The following GPC6 variants were observed in gnomAD, a reference collection of about 807,000 sequenced individuals.
GPC6 encodes the protein glypican 6.
GPC6 carries 14 observed loss-of-function variants against 55.2 expected under a neutral mutation model. That is an observed-to-expected ratio of 0.25 (90% confidence interval 0.17 to 0.40). The LOEUF (loss-of-function observed/expected upper bound fraction) is 0.40. Ranked by LOEUF, GPC6 falls within the 10% of genes least tolerant of loss-of-function variation. GPC6 has a pLI of 1.00. For synonymous variants in GPC6, 278 were observed against 259.6 expected, an observed-to-expected ratio of 1.07 and a Z score of -0.68; for missense variants, 641 against 708.5, an observed-to-expected ratio of 0.90 and a Z score of 1.08.
intron 2 of GPC6, among the ~76,000 whole-genome samples, chr13:93,564,309 T>C (rs1030518412): frequency 6.6e-6 from 1 of 152,160 alleles, no homozygotes; most frequent in Non-Finnish European, 1.5e-5. Context: ...TCAGCAGATA[T>C]TGTATTTATA....
intron 7 of GPC6, among the ~76,000 whole-genome samples, chr13:94,383,937 C>T (rs901048204): frequency 3.3e-5 from 5 of 152,170 alleles, no homozygotes; most frequent in African/African-American, 1.2e-4. Context: ...AAAAGCACCA[C>T]ATCTCATGAG....
At chr13:93,441,786 G>T (rs1471084946) in intron 1 of GPC6, among the ~76,000 whole-genome samples, 2 of 152,116 alleles carry the variant, frequency 1.3e-5, no homozygotes, top group Non-Finnish European at 2.9e-5. Context: ...TGTCCTGAAT[G>T]GTATTGCCTA....
intron 2 of GPC6, among the ~76,000 whole-genome samples, chr13:93,604,331 T>C (rs1330009824): frequency 6.6e-6 from 1 of 152,340 alleles, no homozygotes; most frequent in Non-Finnish European, 1.5e-5. Context: ...TTGAGCTTCT[T>C]CCTTGCCAGG....
chr13:94,403,225 T>G lies in GPC6; in HGVS notation c.*8T>G. The G allele has an allele frequency of 1.9e-6, 3 of 1,601,990 alleles. No homozygotes were observed. The highest frequency in any genetic ancestry group is 3.3e-5 in the Admixed American group (2 of 59,982). The stretch of plus-strand genomic sequence containing the variant: ...CAGAGACTGTGCAGATAATCTTGGG[T>G]TTTTGGTCAGATGAAACTGCATTTT... On this transcript the variant is annotated 3_prime_UTR_variant, in exon 9 of 9. Transcript: ENST00000377047.
At chr13:94,144,075 A>G (rs1357038432) in intron 4 of GPC6, among the ~76,000 whole-genome samples, 1 of 152,122 alleles carries the variant, frequency 6.6e-6, no homozygotes, top group African/African-American at 2.4e-5. Flanking sequence ...TGAAGGAGAC[A>G]GGATTGCATT....
intron 2 of GPC6, among the ~76,000 whole-genome samples, chr13:93,597,027 A>AAAAG (rs1566442316): frequency 3.4e-5 from 5 of 147,004 alleles, no homozygotes; most frequent in African/African-American, 1.0e-4. Flanking sequence ...AAAAAAAAAA[A>AAAAG]AAAGAAAAGA....
chr13:94,049,760 G>A (rs1538195), intron 4 of GPC6, among the ~76,000 whole-genome samples: 68,615 of 151,932 alleles, frequency 0.45, 16,160 homozygotes, highest in Middle Eastern at 0.61. Flanking sequence ...TTATCACAGT[G>A]TACTTTACCT....
chr13:93,625,111 C>G (rs1879147783), intron 2 of GPC6, among the ~76,000 whole-genome samples: 1 of 152,040 alleles, frequency 6.6e-6, no homozygotes, highest in Admixed American at 6.6e-5. Context: ...TGTAGAATGA[C>G]TATAAAATAG....
intron 1 of GPC6, among the ~76,000 whole-genome samples, chr13:93,301,643 A>T (rs186414362): frequency 2.0e-4 from 31 of 152,304 alleles, no homozygotes; most frequent in South Asian, 1.9e-3. Flanking sequence ...AGGTATTTGA[A>T]CACTGGCTCA....
intron 4 of GPC6, among the ~76,000 whole-genome samples, chr13:94,222,142 G>A (rs1890404570): frequency 6.6e-6 from 1 of 152,014 alleles, no homozygotes; most frequent in Admixed American, 6.6e-5. Context: ...TAATGAACAT[G>A]TGAAAGGCTT....
intron 6 of GPC6, among the ~76,000 whole-genome samples, chr13:94,307,350 A>T (rs1182099359): frequency 6.6e-6 from 1 of 151,348 alleles, no homozygotes; most frequent in Non-Finnish European, 1.5e-5. Flanking sequence ...ACGGGGCTTC[A>T]CTCTGCCCCA....
chr13:93,690,379 A>G (rs1359269094), intron 2 of GPC6, among the ~76,000 whole-genome samples: 1 of 152,106 alleles, frequency 6.6e-6, no homozygotes, highest in Non-Finnish European at 1.5e-5. Flanking sequence ...GTCTAGGACC[A>G]TGGACAGCTC....
At chr13:93,964,678 C>G (rs932676298) in intron 3 of GPC6, among the ~76,000 whole-genome samples, 1 of 152,114 alleles carries the variant, frequency 6.6e-6, no homozygotes, top group Non-Finnish European at 1.5e-5. Context: ...GTATTTTATT[C>G]CTGACCAGTC....
intron 1 of GPC6, among the ~76,000 whole-genome samples, chr13:93,359,071 A>T (rs1389625073): frequency 6.8e-6 from 1 of 148,108 alleles, no homozygotes; most frequent in Non-Finnish European, 1.5e-5. Flanking sequence ...TGGGCTCGAG[A>T]TCCTCCCACC....
chr13:93,332,660 T>C (rs970040717), intron 1 of GPC6, among the ~76,000 whole-genome samples: 1 of 152,180 alleles, frequency 6.6e-6, no homozygotes, highest in Non-Finnish European at 1.5e-5. Context: ...ATTCTGTAGG[T>C]TATCTCTTCA....
At chr13:94,001,209 T>C (rs1208414010) in intron 3 of GPC6, among the ~76,000 whole-genome samples, 4 of 152,196 alleles carry the variant, frequency 2.6e-5, no homozygotes, top group Non-Finnish European at 5.9e-5. Flanking sequence ...AAAGGTCTTT[T>C]CTCAGACATT....
intron 4 of GPC6, among the ~76,000 whole-genome samples, chr13:94,083,264 G>T (rs544780331): frequency 2.0e-5 from 3 of 151,834 alleles, no homozygotes; most frequent in Non-Finnish European, 4.4e-5. Flanking sequence ...GACTACAGGC[G>T]CCCGCCACCA....
At chr13:93,646,944 C>T (rs1328867921) in intron 2 of GPC6, among the ~76,000 whole-genome samples, 3 of 151,652 alleles carry the variant, frequency 2.0e-5, no homozygotes, top group African/African-American at 4.8e-5. Context: ...GGCATTTATG[C>T]TGAAACACAG....
At chr13:93,422,861 C>G (rs974591780) in intron 1 of GPC6, among the ~76,000 whole-genome samples, 4 of 152,088 alleles carry the variant, frequency 2.6e-5, no homozygotes, top group Non-Finnish European at 5.9e-5. Context: ...TAGTTAGCAA[C>G]ATGAGAGAGA....
Sources: gnomAD v4.1 joint callset for allele counts (sites outside exome capture counted in the v4.1 genomes callset) on GRCh38, gnomAD v4.1.1 for gene constraint, MANE v1.5 for transcripts, NCBI Gene and HGNC (gene_info 2026-07-23, HGNC 2026-07-21) for gene names.